MYRIP: variants seen among roughly 807,000 people sequenced by gnomAD.
MYRIP encodes rab effector MyRIP.
A neutral mutation model predicts 98.0 loss-of-function variants in MYRIP; 49 were observed. The observed-to-expected ratio is 0.50, with a 90% confidence interval of 0.40 to 0.63. The LOEUF is 0.63. Ranked by LOEUF, MYRIP falls within the 30% of genes least tolerant of loss-of-function variation. The pLI is 0.00. For missense variants in MYRIP, 1,004 were observed against 1,058.2 expected, an observed-to-expected ratio of 0.95 and a Z score of 0.71; for synonymous variants, 404 against 409.5, an observed-to-expected ratio of 0.99 and a Z score of 0.16.
At chr3:40,113,954 G>T (rs1949215796) in intron 3 of MYRIP, among the ~76,000 whole-genome samples, 3 of 152,168 alleles carry the variant, frequency 2.0e-5, no homozygotes, top group Admixed American at 2.0e-4. Flanking sequence ...CTCCCAAAGT[G>T]CTGGGATTAC....
intron 12 of MYRIP, chr3:40,238,573 T>C (rs1373206845): frequency 6.6e-6 from 1 of 152,228 alleles, no homozygotes; most frequent in Non-Finnish European, 1.5e-5. Flanking sequence ...AAAGAACATT[T>C]GGCTGAGAAT....
At chr3:40,236,022 C>T (rs780879104) in intron 12 of MYRIP, among the ~76,000 whole-genome samples, 1 of 152,164 alleles carries the variant, frequency 6.6e-6, no homozygotes, top group Non-Finnish European at 1.5e-5. Flanking sequence ...AAAAGCTATT[C>T]GCAAATATAA....
At chr3:39,942,319 G>A (rs1944807142) in intron 2 of MYRIP, among the ~76,000 whole-genome samples, 1 of 152,166 alleles carries the variant, frequency 6.6e-6, no homozygotes, top group East Asian at 1.9e-4. Context: ...AAACTCTTGG[G>A]ACTTTGTGCC....
chr3:40,154,223 T>A (rs1321665176), intron 4 of MYRIP, among the ~76,000 whole-genome samples: 1 of 152,082 alleles, frequency 6.6e-6, no homozygotes, highest in East Asian at 1.9e-4. Flanking sequence ...CGTACTGCCA[T>A]CAGTTCCTCA....
intron 2 of MYRIP, among the ~76,000 whole-genome samples, chr3:39,987,294 G>A (rs1946054563): frequency 6.6e-6 from 1 of 152,138 alleles, no homozygotes. Flanking sequence ...TGCTGAGGAT[G>A]ATGGCTTTCA....
intron 1 of MYRIP, among the ~76,000 whole-genome samples, chr3:39,828,342 C>G (rs1317771101): frequency 2.0e-5 from 3 of 151,930 alleles, no homozygotes; most frequent in Non-Finnish European, 4.4e-5. Context: ...TCTTTAAGTT[C>G]AGAAATTATT....
intron 12 of MYRIP, among the ~76,000 whole-genome samples, chr3:40,240,218 A>G (rs1952962812): frequency 6.6e-6 from 1 of 151,902 alleles, no homozygotes; most frequent in Non-Finnish European, 1.5e-5. Context: ...AGATAGTTGT[A>G]GATATGCGGC....
At chr3:40,160,407 C>G (rs1211152777) in intron 4 of MYRIP, among the ~76,000 whole-genome samples, 4 of 152,232 alleles carry the variant, frequency 2.6e-5, no homozygotes, top group Non-Finnish European at 5.9e-5. Flanking sequence ...AGCTGTCAGA[C>G]AGGGACATTT....
intron 2 of MYRIP, among the ~76,000 whole-genome samples, chr3:39,962,877 C>T (rs1266651109): frequency 6.6e-6 from 1 of 152,088 alleles, no homozygotes; most frequent in Non-Finnish European, 1.5e-5. Context: ...GACTTGCAGA[C>T]AGTTTCTGTG....
rs937787127 is a variant in MYRIP at position 39,883,366 on chromosome 3, C to A, written c.-30-17421C>A. ...TCAGCACCTGACGGAAACAAACATA[C>A]ATCCTCTCTAGAGGAAAATAACCGT... On this transcript the variant is annotated intron_variant, in intron 1 of 16. Coordinates refer to ENST00000302541, the MANE Select transcript of MYRIP (RefSeq NM_015460.4). 2.6e-5 allele frequency among the ~76,000 whole-genome samples: 4 copies of A among 152,314 alleles called. No homozygotes were observed. In the East Asian group the frequency reaches 5.8e-4, roughly 22 times the overall value.
chr3:40,066,050 G>GGT (rs1948120414), intron 3 of MYRIP, among the ~76,000 whole-genome samples: 1 of 152,174 alleles, frequency 6.6e-6, no homozygotes, highest in Admixed American at 6.6e-5. Context: ...TGACGAAGAA[G>GGT]GACCCCACAC....
chr3:40,122,154 G>C (rs1949417830), intron 3 of MYRIP, among the ~76,000 whole-genome samples: 1 of 151,816 alleles, frequency 6.6e-6, no homozygotes. Flanking sequence ...GAATTCTAAT[G>C]AGCAACATTA....
chr3:39,816,046 A>G (rs961338085), intron 1 of MYRIP, among the ~76,000 whole-genome samples: 4 of 150,754 alleles, frequency 2.7e-5, no homozygotes, highest in African/African-American at 7.3e-5. Flanking sequence ...GTAAAATTAT[A>G]TTTTAATATT....
At chr3:39,960,197 G>A (rs964111117) in intron 2 of MYRIP, among the ~76,000 whole-genome samples, 11 of 151,994 alleles carry the variant, frequency 7.2e-5, no homozygotes, top group Non-Finnish European at 1.5e-4. Context: ...TTAGAAATAC[G>A]TAAGCAGTGA....
intron 2 of MYRIP, among the ~76,000 whole-genome samples, chr3:39,995,624 A>G (rs779423043): frequency 1.3e-5 from 2 of 152,184 alleles, no homozygotes; most frequent in Non-Finnish European, 2.9e-5. Flanking sequence ...AGGATATTAT[A>G]CAGAAGAACT....
At chr3:40,228,920 C>T (rs886158437) in intron 11 of MYRIP, among the ~76,000 whole-genome samples, 63 of 152,098 alleles carry the variant, frequency 4.1e-4, no homozygotes, top group African/African-American at 1.4e-3. Flanking sequence ...GCCAGACATC[C>T]GATTATTAGA....
chr3:40,162,629 G>A, intron 4 of MYRIP, 101 bp from the exon 5 acceptor site: 2 of 986,872 alleles, frequency 2.0e-6, no homozygotes, highest in South Asian at 2.9e-5. Context: ...CAACCCAAGT[G>A]TGTAATAGTG....
chr3:39,901,627 C>A (rs1943745708), intron 2 of MYRIP, among the ~76,000 whole-genome samples: 1 of 152,152 alleles, frequency 6.6e-6, no homozygotes, highest in Non-Finnish European at 1.5e-5. Context: ...TAGTCTCCCT[C>A]ATCTATAAAA....
intron 4 of MYRIP, among the ~76,000 whole-genome samples, 200 bp downstream of exon 4, chr3:40,151,384 C>A (rs1388762945): frequency 6.6e-6 from 1 of 152,212 alleles, no homozygotes; most frequent in Non-Finnish European, 1.5e-5. Flanking sequence ...CCAGCGTCCC[C>A]ACTGGGCTAG....
Sources: allele counts gnomAD v4.1 joint callset (sites outside exome capture counted in the v4.1 genomes callset), GRCh38; gene constraint gnomAD v4.1.1; transcripts MANE v1.5; gene names NCBI Gene and HGNC (gene_info 2026-07-23, HGNC 2026-07-21).